MEAK7: variants seen among roughly 807,000 people sequenced by gnomAD.
MEAK7 encodes the protein MTOR associated protein MEAK7.
MEAK7 carries 68 observed loss-of-function variants against 40.5 expected under a neutral mutation model. The observed-to-expected ratio is 1.68, with a 90% CI of 1.38 to 2.06. The LOEUF (loss-of-function observed/expected upper bound fraction) is 2.06, where lower values mean the gene tolerates loss of function less well. MEAK7 is among the 30% of genes most tolerant of loss of function. The pLI is 0.00. For synonymous variants in MEAK7, 338 were observed against 231.9 expected, an observed-to-expected ratio of 1.46 and a Z score of -4.16; for missense variants, 918 against 580.5, an observed-to-expected ratio of 1.58 and a Z score of -5.98.
Position 84,479,968 on chromosome 16 carries a change from A to T in MEAK7, c.1316T>A (p.Ile439Asn). The T allele has an allele frequency of 6.2e-7, 1 of 1,609,648 alleles. No homozygotes were observed. Among genetic ancestry groups the T allele is most frequent in the Non-Finnish European group, 8.5e-7 (1 of 1,177,076 alleles). Residue 439 changes from isoleucine (I) to asparagine (N), a missense_variant, in exon 8 of 8, where the codon ATC becomes AAC. Coordinates refer to ENST00000343629, the MANE Select transcript of MEAK7 (RefSeq NM_020947.4). ...ADPEAQALLE[I>N]SGHSRHSEGL... ...TTCGCTGTGGCGCGAATGCCCACTGATCTCCAGCAGGGCCTGGGCCTCAGG... is the reference window on the plus strand; with the variant it reads ...TTCGCTGTGGCGCGAATGCCCACTGTTCTCCAGCAGGGCCTGGGCCTCAGG...
chr16:84,484,127 G>A (rs759810563), intron 5 of MEAK7, among the ~76,000 whole-genome samples: 7 of 152,176 alleles, frequency 4.6e-5, no homozygotes, highest in Admixed American at 1.3e-4. Flanking sequence ...GAGCAAGGTC[G>A]CAGGGCCACA....
At position 84,478,195 on chromosome 16, in the gene MEAK7, CT is replaced by C. The variant is rs1912206645; in HGVS notation, c.*1717del. The C allele has an allele frequency of 6.6e-6, 1 of 152,294 alleles. No homozygotes were observed. Among genetic ancestry groups the C allele is most frequent in the African/African-American group, 2.4e-5 (1 of 41,562 alleles). 9.4% of individuals were successfully genotyped at this position (152,294 alleles called of 1,614,324 possible). ...GATGCTTGAGGATCCTAATATTCTACTTCTGCCAACATGTCAGGTAGGAAGC... is the reference window on the plus strand; with the variant it reads ...GATGCTTGAGGATCCTAATATTCTACTCTGCCAACATGTCAGGTAGGAAGC... On this transcript the variant is annotated 3_prime_UTR_variant, in exon 8 of 8. Transcript: ENST00000343629.
intron 3 of MEAK7, among the ~76,000 whole-genome samples, chr16:84,490,818 C>T (rs1192395830): frequency 6.6e-6 from 1 of 151,926 alleles, no homozygotes; most frequent in African/African-American, 2.4e-5. Flanking sequence ...TCTCTCCTTC[C>T]TCTTGCTACC....
intron 3 of MEAK7, 150 bp from the exon 4 acceptor site, chr16:84,489,572 T>G: frequency 4.2e-6 from 4 of 952,492 alleles, no homozygotes; most frequent in South Asian, 3.8e-5. Flanking sequence ...AGTTACTCGT[T>G]TTTCTAATGA....
intron 5 of MEAK7, among the ~76,000 whole-genome samples, chr16:84,483,647 T>G (rs1912773460): frequency 1.3e-5 from 2 of 152,158 alleles, no homozygotes; most frequent in South Asian, 4.2e-4. Flanking sequence ...CCAACAGGGC[T>G]CAGTCTGTAG....
chr16:84,490,142 T>C (rs755123907), intron 3 of MEAK7, among the ~76,000 whole-genome samples: 1 of 152,186 alleles, frequency 6.6e-6, no homozygotes, highest in Non-Finnish European at 1.5e-5. Context: ...TGTTTTTATT[T>C]GTGGCTTCTG....
intron 1 of MEAK7, 40 bp from the exon 2 acceptor site, chr16:84,498,151 T>G (rs1040428780): frequency 6.6e-7 from 1 of 1,525,710 alleles, no homozygotes; most frequent in Non-Finnish European, 8.8e-7. Flanking sequence ...AAATCAAAAT[T>G]TAATAATCAC....
At chr16:84,496,148 T>G (rs1434155301) in intron 2 of MEAK7, among the ~76,000 whole-genome samples, 1 of 152,204 alleles carries the variant, frequency 6.6e-6, no homozygotes, top group African/African-American at 2.4e-5. Flanking sequence ...GTGATTCCCA[T>G]GGCTTTCTTG....
rs776203243 is a variant in MEAK7, at chr16:84,495,953, C to G, written c.154-40G>C. 4 of 1,602,378 alleles carry G rather than the reference C, an allele frequency of 2.5e-6. No individual in the cohort carries two copies. In the Admixed American group the frequency reaches 5.0e-5, roughly 20 times the overall value. Reference sequence around the variant, plus strand: ...CAGAAAAATATGGTTAGACAGTGCACAAGTTGAACTTGGTTACTAGGAGTT... The same window carrying G: ...CAGAAAAATATGGTTAGACAGTGCAGAAGTTGAACTTGGTTACTAGGAGTT... On this transcript the variant is annotated intron_variant, in intron 2 of 7. Coordinates refer to ENST00000343629, the MANE Select transcript of MEAK7 (RefSeq NM_020947.4).
At chr16:84,500,644 C>G (rs1406995943) in intron 1 of MEAK7, among the ~76,000 whole-genome samples, 1 of 152,154 alleles carries the variant, frequency 6.6e-6, no homozygotes, top group Non-Finnish European at 1.5e-5. Flanking sequence ...CACGCCCCAT[C>G]TGATCTCACC....
intron 5 of MEAK7, chr16:84,486,314 T>G: frequency 2.0e-6 from 1 of 502,236 alleles, no homozygotes; most frequent in Non-Finnish European, 2.8e-6. Context: ...ATGTCCGATC[T>G]GAACCAATTA....
At position 84,494,150 on chromosome 16, in the gene MEAK7, T is replaced by C. The variant is rs544428374; in HGVS notation, c.384+1533A>G. ...AGAGAGTCAGTGTCTATATGGCAAA[T>C]TATCACTGTTGCTGCACTTTATGCA... On this transcript the variant is annotated intron_variant, in intron 3 of 7. Transcript: ENST00000343629. Among the ~76,000 whole-genome samples, 8 of 152,340 alleles carry C rather than the reference T, an allele frequency of 5.3e-5. No homozygotes were observed. In the South Asian group the frequency reaches 1.7e-3, roughly 32 times the overall value.
intron 6 of MEAK7, 24 bp downstream of exon 6, chr16:84,482,568 C>G: frequency 6.2e-7 from 1 of 1,613,972 alleles, no homozygotes; most frequent in South Asian, 1.1e-5. Flanking sequence ...CAAGGCAAGA[C>G]CACCACGCTC....
rs867035587 is a variant in MEAK7, at chr16:84,489,167, G to A, written c.529+111C>T. The A allele has an allele frequency of 2.4e-5, 32 of 1,353,002 alleles. No homozygotes were observed. In the South Asian group the frequency reaches 3.6e-4, roughly 15 times the overall value. 83.8% of individuals were successfully genotyped at this position (1,353,002 alleles called of 1,614,324 possible). ...AACTAGAAAACCTAGAAGAAGGTTC[G>A]AGGGCTCACGCATTCTGGTTTCAAA... On this transcript the variant is annotated intron_variant, in intron 4 of 7. Coordinates refer to ENST00000343629, the MANE Select transcript of MEAK7 (RefSeq NM_020947.4).
chr16:84,483,859 G>C (rs913302166), intron 5 of MEAK7, among the ~76,000 whole-genome samples: 6 of 152,192 alleles, frequency 3.9e-5, no homozygotes, highest in Non-Finnish European at 1.5e-5. Flanking sequence ...AGTGGGGCTT[G>C]AGAGCATCGG....
rs559093816 is a variant in MEAK7, at chr16:84,485,766, C to G, written c.958+865G>C. Among the ~76,000 whole-genome samples the G allele has an allele frequency of 3.9e-5, 6 of 152,304 alleles. No individual in the cohort carries two copies. In the South Asian group the frequency reaches 1.0e-3, roughly 26 times the overall value. On this transcript the variant is annotated intron_variant, in intron 5 of 7. Transcript: ENST00000343629. ...GGTATGATCTCGGCTCACTGCAACT[C>G]TGCTTCCGAGGTTCAAGCAATTCTC...
chr16:84,480,131 C>A, intron 7 of MEAK7, 105 bp from the exon 8 acceptor site: 1 of 852,328 alleles, frequency 1.2e-6, no homozygotes. Context: ...GGCTCCGGTT[C>A]CCCCTAAGGC....
rs563608783 is a variant in MEAK7 at position 84,480,628 on chromosome 16, C to T, written c.1158G>A (p.Thr386=). The T allele has an allele frequency of 8.7e-6, 14 of 1,614,032 alleles. No homozygotes were observed. The highest frequency in any genetic ancestry group is 1.1e-5 in the Non-Finnish European group (13 of 1,179,970). The change falls in exon 7 of 8, where the codon ACG becomes ACA. Residue 386 remains threonine, a synonymous_variant. Coordinates refer to ENST00000343629, the MANE Select transcript of MEAK7 (RefSeq NM_020947.4). The part of the protein sequence containing the change: ...FGKGHSRAKP[T]CTTYNSPQLS... ...GCTGCGGGCTGTTGTACGTGGTGCA[C>T]GTGGGCTTGGCTCTGCTGTGTCCTT...
At chr16:84,485,827 A>T (rs9921671) in intron 5 of MEAK7, among the ~76,000 whole-genome samples, 3 of 152,080 alleles carry the variant, frequency 2.0e-5, no homozygotes, top group African/African-American at 7.2e-5. Context: ...GATTACAGGC[A>T]TGCGCCACCA....
Sources: allele counts gnomAD v4.1 joint callset (sites outside exome capture counted in the v4.1 genomes callset), GRCh38; gene constraint gnomAD v4.1.1; transcripts MANE v1.5; gene names NCBI Gene and HGNC (gene_info 2026-07-23, HGNC 2026-07-21).